The following PRDM5 variants were observed in gnomAD, a reference collection of about 807,000 sequenced individuals.
PRDM5 encodes the protein PR/SET domain 5, also known as PR domain zinc finger protein 5.
Under a neutral mutation model 81.2 loss-of-function variants are expected in PRDM5, and 56 were observed. That is an observed-to-expected ratio of 0.69 (90% CI 0.56 to 0.86). The LOEUF is 0.86. PRDM5 is among the 40% of genes least tolerant of loss of function. The probability of loss-of-function intolerance (pLI) is 0.00; values close to 1 mark genes in which losing one functional copy is unlikely to be tolerated. For synonymous variants in PRDM5, 267 were observed against 256.4 expected (o/e 1.04, Z -0.39); for missense variants, 697 against 770.1 (o/e 0.91, Z 1.12).
At chr4:120,836,091 T>C (rs1267459379) in intron 3 of PRDM5, among the ~76,000 whole-genome samples, 1 of 151,324 alleles carries the variant, frequency 6.6e-6, no homozygotes, top group Non-Finnish European at 1.5e-5. Context: ...ATACAGACAA[T>C]TGAAGGAAGG....
At chr4:120,733,456 A>C (rs1740574581) in intron 14 of PRDM5, among the ~76,000 whole-genome samples, 1 of 152,040 alleles carries the variant, frequency 6.6e-6, no homozygotes. Flanking sequence ...CCCTACCCCC[A>C]ATCTTGTTCC....
Position 120,826,251 on chromosome 4 carries a change from G to T in PRDM5, c.301-4906C>A, listed in dbSNP as rs565320194. On this transcript the variant is annotated intron_variant, in intron 3 of 15. Transcript: ENST00000264808. ...ACTAGTACACTTCTCAGAAAACACA[G>T]AGCTAATTCCCACCTTAGTACAACT... Among the ~76,000 whole-genome samples the T allele has an allele frequency of 2.4e-3, 372 of 152,176 alleles. 3 individuals are homozygous for T. The highest frequency in any genetic ancestry group is 8.8e-3 in the African/African-American group (365 of 41,544).
intron 14 of PRDM5, among the ~76,000 whole-genome samples, chr4:120,731,279 T>C (rs1442913550): frequency 6.6e-6 from 1 of 151,534 alleles, no homozygotes; most frequent in Non-Finnish European, 1.5e-5. Flanking sequence ...CAAGTGATGA[T>C]AGCACAGAGA....
chr4:120,809,338 C>A (rs1197096811), intron 8 of PRDM5, among the ~76,000 whole-genome samples: 1 of 151,880 alleles, frequency 6.6e-6, no homozygotes, highest in African/African-American at 2.4e-5. Flanking sequence ...CCCATGTATA[C>A]CTATGTAACA....
intron 3 of PRDM5, among the ~76,000 whole-genome samples, chr4:120,825,877 A>G (rs1755914039): frequency 6.6e-6 from 1 of 152,110 alleles, no homozygotes; most frequent in Non-Finnish European, 1.5e-5. Flanking sequence ...AAGGTGTCCA[A>G]CCATGAAGTC....
At chr4:120,815,994 T>C (rs1754435937) in intron 7 of PRDM5, 1 of 213,932 alleles carries the variant, frequency 4.7e-6, no homozygotes. Context: ...ACATATTCAA[T>C]TCCAATGTCA....
chr4:120,831,021 G>A (rs1297062153), intron 3 of PRDM5, among the ~76,000 whole-genome samples: 1 of 151,814 alleles, frequency 6.6e-6, no homozygotes, highest in Non-Finnish European at 1.5e-5. Flanking sequence ...AACAGAAAAA[G>A]TTGCTACTTT....
intron 2 of PRDM5, among the ~76,000 whole-genome samples, chr4:120,876,000 G>C (rs1762299485): frequency 6.6e-6 from 1 of 152,096 alleles, no homozygotes; most frequent in African/African-American, 2.4e-5. Flanking sequence ...TGATATATTA[G>C]GGAACAATCT....
chr4:120,805,635 T>C (rs1275490965), intron 8 of PRDM5, among the ~76,000 whole-genome samples: 2 of 152,160 alleles, frequency 1.3e-5, no homozygotes, highest in Non-Finnish European at 2.9e-5. Flanking sequence ...GAAAAGGCCT[T>C]TGACAAAATT....
At chr4:120,913,773 C>T (rs934018930) in intron 1 of PRDM5, among the ~76,000 whole-genome samples, 8 of 152,100 alleles carry the variant, frequency 5.3e-5, no homozygotes, top group Admixed American at 6.6e-5. Context: ...GCAGAGTAAC[C>T]AGGGACAAGG....
At chr4:120,736,106 T>C (rs1395744746) in intron 14 of PRDM5, among the ~76,000 whole-genome samples, 1 of 152,150 alleles carries the variant, frequency 6.6e-6, no homozygotes. Context: ...CTTCTGTGTC[T>C]GGCTTGTTCC....
chr4:120,725,699 G>GAACAAGAA (rs70948361), intron 14 of PRDM5, among the ~76,000 whole-genome samples: 24,499 of 151,948 alleles, frequency 0.16, 2,458 homozygotes, highest in Non-Finnish European at 0.24. Flanking sequence ...CTCATGTTAA[G>GAACAAGAA]AACAAGAAAA....
chr4:120,802,931 C>G (rs1752353315), intron 8 of PRDM5, among the ~76,000 whole-genome samples: 2 of 152,138 alleles, frequency 1.3e-5, no homozygotes, highest in Non-Finnish European at 2.9e-5. Context: ...GAAGTTCAAA[C>G]CCATCGCAGA....
At chr4:120,759,922 T>C (rs573644831) in intron 13 of PRDM5, among the ~76,000 whole-genome samples, 2 of 152,362 alleles carry the variant, frequency 1.3e-5, no homozygotes, top group East Asian at 3.8e-4. Flanking sequence ...GAGTCTACTA[T>C]AAGGTTCTGT....
At chr4:120,815,607 A>G (rs907673824) in intron 7 of PRDM5, among the ~76,000 whole-genome samples, 10 of 152,270 alleles carry the variant, frequency 6.6e-5, no homozygotes, top group Non-Finnish European at 5.9e-5. Flanking sequence ...AGAATAAACA[A>G]CTGAAGGGAG....
chr4:120,876,723 G>A (rs2148563704), intron 2 of PRDM5, among the ~76,000 whole-genome samples: 1 of 152,196 alleles, frequency 6.6e-6, no homozygotes, highest in South Asian at 2.1e-4. Flanking sequence ...TACATTTGAT[G>A]AAAAAATATA....
At chr4:120,805,594 C>T (rs1752795702) in intron 8 of PRDM5, among the ~76,000 whole-genome samples, 1 of 152,114 alleles carries the variant, frequency 6.6e-6, no homozygotes, top group Non-Finnish European at 1.5e-5. Flanking sequence ...GAATCAAAGA[C>T]AAAAACCGCA....
Position 120,887,236 on chromosome 4 carries a change from G to A in PRDM5, c.177+20238C>T, listed in dbSNP as rs1026055206. On this transcript the variant is annotated intron_variant, in intron 2 of 15. Coordinates refer to ENST00000264808, the MANE Select transcript of PRDM5 (RefSeq NM_018699.4). ...TGGGATTACAGGCGTGAGCCACTGC[G>A]CCTGGCTGACTCTTCTCTTTCAATA... Among the ~76,000 whole-genome samples the A allele has an allele frequency of 7.9e-5, 12 of 152,090 alleles. 1 individual carries two copies. Among genetic ancestry groups the A allele is most frequent in the Admixed American group, 1.3e-4 (2 of 15,270 alleles).
chr4:120,893,504 C>G (rs1170618624), intron 2 of PRDM5, among the ~76,000 whole-genome samples: 1 of 152,234 alleles, frequency 6.6e-6, no homozygotes, highest in African/African-American at 2.4e-5. Flanking sequence ...CACTCTATGA[C>G]TCAGCATATA....
Sources: gnomAD v4.1 joint callset for allele counts (sites outside exome capture counted in the v4.1 genomes callset) on GRCh38, gnomAD v4.1.1 for gene constraint, MANE v1.5 for transcripts, NCBI Gene and HGNC (gene_info 2026-07-23, HGNC 2026-07-21) for gene names.